Variants in DISC1 observed in about 807,000 individuals in gnomAD.
The protein encoded by DISC1 is disrupted in schizophrenia 1 protein.
Under a neutral mutation model 84.5 loss-of-function variants are expected in DISC1, and 57 were observed. The ratio of observed to expected loss-of-function variants is 0.67; its 90% confidence interval spans 0.55 to 0.84. The LOEUF (loss-of-function observed/expected upper bound fraction) is 0.84, where lower values mean the gene tolerates loss of function less well. Ranked by LOEUF, DISC1 falls within the 40% of genes least tolerant of loss-of-function variation. The pLI is 0.00. For synonymous variants in DISC1, 411 were observed against 415.2 expected (o/e 0.99, Z 0.12); for missense variants, 1,000 against 1,057.8 (o/e 0.95, Z 0.76).
intron 9 of DISC1, among the ~76,000 whole-genome samples, chr1:231,890,863 T>A (rs1192263864): frequency 6.6e-6 from 1 of 152,260 alleles, no homozygotes; most frequent in Non-Finnish European, 1.5e-5. Flanking sequence ...TTATGTTTCC[T>A]GTTCTCTTCC....
At chr1:232,000,554 C>G (rs1408447327) in intron 10 of DISC1, among the ~76,000 whole-genome samples, 1 of 151,320 alleles carries the variant, frequency 6.6e-6, no homozygotes, top group East Asian at 1.9e-4. Flanking sequence ...AAAAGCTCCC[C>G]AAATTTGGTG....
intron 9 of DISC1, among the ~76,000 whole-genome samples, chr1:231,917,346 A>G (rs1436382875): frequency 2.0e-5 from 3 of 152,208 alleles, no homozygotes; most frequent in Non-Finnish European, 4.4e-5. Flanking sequence ...AATGCATTAT[A>G]TCTTACTTTC....
At chr1:231,783,380 A>G (rs1242950096) in intron 6 of DISC1, among the ~76,000 whole-genome samples, 1 of 152,186 alleles carries the variant, frequency 6.6e-6, no homozygotes, top group East Asian at 1.9e-4. Context: ...AAGGAGAATG[A>G]TTATGATCTG....
chr1:231,637,969 A>G (rs2059334780), intron 1 of DISC1, among the ~76,000 whole-genome samples: 1 of 152,180 alleles, frequency 6.6e-6, no homozygotes, highest in South Asian at 2.1e-4. Flanking sequence ...ATAGTGTTTA[A>G]AATTTCCCTT....
In DISC1 at chr1:232,031,773, C is replaced by T. The variant is rs1670078566; in HGVS notation, c.2426-4919C>T. Among the ~76,000 whole-genome samples the T allele has an allele frequency of 6.6e-6, 1 of 152,152 alleles. No individual in the cohort carries two copies. On this transcript the variant is annotated intron_variant, in intron 12 of 12. Coordinates refer to ENST00000439617, the MANE Select transcript of DISC1 (RefSeq NM_018662.3). This position sits in a 1 kb window ranked among gnomAD's most constrained non-coding sequence, Gnocchi z 4.6. ...GTAGGCAACACAGAGTTTCTGTGTA[C>T]AAGCATCAAATCCTTTGAATCAATC...
At chr1:231,703,638 C>T (rs756879268) in intron 3 of DISC1, among the ~76,000 whole-genome samples, 2 of 152,212 alleles carry the variant, frequency 1.3e-5, no homozygotes, top group Non-Finnish European at 2.9e-5. Flanking sequence ...ACTTGGTTCT[C>T]TCAATGGCTT....
intron 8 of DISC1, among the ~76,000 whole-genome samples, chr1:231,806,067 G>A (rs1239005665): frequency 3.9e-5 from 6 of 152,192 alleles, no homozygotes. Flanking sequence ...ATCACATTAG[G>A]TTGTTGTAAG....
chr1:231,956,556 C>T (rs564204627), intron 9 of DISC1, among the ~76,000 whole-genome samples: 1 of 152,256 alleles, frequency 6.6e-6, no homozygotes, highest in South Asian at 2.1e-4. Flanking sequence ...TTTTCTTCTA[C>T]AGTGTTTTTC....
In DISC1 at chr1:231,859,787, A is replaced by C. The variant is rs140087743; in HGVS notation, c.1981+41270A>C. 2.7e-4 allele frequency among the ~76,000 whole-genome samples: 41 copies of C among 152,220 alleles called. 1 individual carries two copies. The highest frequency in any genetic ancestry group is 9.9e-4 in the African/African-American group (41 of 41,540). ...CAAGAAGCACGGGTAGATGATGGAGAGCATGAGTGCCAGAGAGTAAGGAAG... is the reference window on the plus strand; with the variant it reads ...CAAGAAGCACGGGTAGATGATGGAGCGCATGAGTGCCAGAGAGTAAGGAAG... On this transcript the variant is annotated intron_variant, in intron 9 of 12. Coordinates refer to ENST00000439617, the MANE Select transcript of DISC1 (RefSeq NM_018662.3).
chr1:231,885,061 G>C (rs1337296741), intron 9 of DISC1, among the ~76,000 whole-genome samples: 1 of 152,182 alleles, frequency 6.6e-6, no homozygotes, highest in Non-Finnish European at 1.5e-5. Flanking sequence ...CAGAGGGAAA[G>C]GCAGCCTCTT....
At chr1:231,828,591 A>C (rs775752367) in intron 9 of DISC1, among the ~76,000 whole-genome samples, 4 of 152,216 alleles carry the variant, frequency 2.6e-5, no homozygotes, top group Non-Finnish European at 4.4e-5. Flanking sequence ...TAAAATTTTA[A>C]TTTATTTCAA....
chr1:231,886,256 G>T (rs2086672660), intron 9 of DISC1, among the ~76,000 whole-genome samples: 1 of 152,184 alleles, frequency 6.6e-6, no homozygotes, highest in Non-Finnish European at 1.5e-5. Context: ...CTCCCCTATA[G>T]CAATGAGTAA....
intron 12 of DISC1, among the ~76,000 whole-genome samples, chr1:232,030,393 T>C (rs1669887213): frequency 6.6e-6 from 1 of 152,234 alleles, no homozygotes; most frequent in East Asian, 1.9e-4. Context: ...GGAAAAGAAG[T>C]ACACCTGTGA....
chr1:231,758,061 T>G lies in DISC1; in HGVS notation c.1268+7985T>G, dbSNP rs181975638. Among the ~76,000 whole-genome samples, 668 of 151,302 alleles carry G rather than the reference T, an allele frequency of 4.4e-3. 3 individuals carry two copies. The highest frequency in any genetic ancestry group is 6.3e-3 in the Non-Finnish European group (424 of 67,838). ...CTTAGGGAACAGTTCTGAGGCATGC[T>G]CCACACTGTTTTTTTTTTTCTTTTC... On this transcript the variant is annotated intron_variant, in intron 4 of 12. Coordinates refer to ENST00000439617, the MANE Select transcript of DISC1 (RefSeq NM_018662.3).
intron 9 of DISC1, among the ~76,000 whole-genome samples, chr1:231,946,058 CT>C (rs1312307075): frequency 6.6e-6 from 1 of 152,210 alleles, no homozygotes; most frequent in Non-Finnish European, 1.5e-5. Flanking sequence ...ACCATTCCTT[CT>C]GAAATGATTC....
At chr1:231,809,082 G>A (rs889894884) in intron 8 of DISC1, among the ~76,000 whole-genome samples, 5 of 152,206 alleles carry the variant, frequency 3.3e-5, no homozygotes, top group Non-Finnish European at 7.3e-5. Flanking sequence ...ATGTGTGAAT[G>A]GCCTGTTTAA....
At position 231,871,804 on chromosome 1, in the gene DISC1, C is replaced by G. The variant is rs555751942; in HGVS notation, c.1981+53287C>G. On this transcript the variant is annotated intron_variant, in intron 9 of 12. Coordinates refer to ENST00000439617, the MANE Select transcript of DISC1 (RefSeq NM_018662.3). ...CATGTGGGGTCAGGGGTGGTGAGAC[C>G]AGCTCTGAATTGTTTCCAGGGCAGC... Among the ~76,000 whole-genome samples, 22 of 152,180 alleles carry G rather than the reference C, an allele frequency of 1.4e-4. No individual in the cohort carries two copies. In the South Asian group the frequency reaches 3.7e-3, roughly 26 times the overall value.
At chr1:231,804,051 T>C (rs970817750) in intron 8 of DISC1, among the ~76,000 whole-genome samples, 2 of 148,266 alleles carry the variant, frequency 1.3e-5, no homozygotes, top group Non-Finnish European at 3.0e-5. Context: ...AGCAAGTCAC[T>C]AAGTTCAGTT....
chr1:231,646,660 G>A (rs1309410329), intron 1 of DISC1, among the ~76,000 whole-genome samples: 1 of 152,150 alleles, frequency 6.6e-6, no homozygotes, highest in Non-Finnish European at 1.5e-5. Context: ...GGTTGAACTA[G>A]TTTACACTCC....
Sources: gnomAD v4.1 joint callset for allele counts (sites outside exome capture counted in the v4.1 genomes callset) on GRCh38, gnomAD v4.1.1 for gene constraint, Gnocchi (gnomAD v3.1) non-coding constraint, MANE v1.5 for transcripts, NCBI Gene and HGNC (gene_info 2026-07-23, HGNC 2026-07-21) for gene names.